NR2F6: variants seen among roughly 807,000 people sequenced by gnomAD.
NR2F6 encodes ERBA-related gene-2.
NR2F6 carries 16 observed loss-of-function variants against 26.5 expected under a neutral mutation model. That is an observed-to-expected ratio of 0.60 (90% confidence interval 0.41 to 0.92). The LOEUF is 0.92. Among genes scored for constraint, NR2F6 ranks in the 40% least tolerant of loss-of-function variants. The pLI, the probability that NR2F6 is intolerant of heterozygous loss-of-function variation, is 0.00. For missense variants in NR2F6, 536 were observed against 631.7 expected (o/e 0.85, Z 1.62); for synonymous variants, 325 against 305.0 (o/e 1.07, Z -0.68).
chr19:17,240,556 AC>A, intron 2 of NR2F6, 114 bp downstream of exon 2: 1 of 1,127,138 alleles, frequency 8.9e-7, no homozygotes. Context: ...AGGCACCCAG[AC>A]CCCTGTGAAA....
At position 17,232,125 on chromosome 19, in the gene NR2F6, A is replaced by G. The variant is rs1290725914; in HGVS notation, c.*227T>C. 1.3e-5 allele frequency: 8 copies of G among 602,702 alleles called. No homozygotes were observed. Among genetic ancestry groups the G allele is most frequent in the Non-Finnish European group, 2.0e-5 (7 of 355,108 alleles). The allele number at this position is 602,702 out of a possible 1,614,324, so 37.3% of individuals were successfully genotyped here. A position where few individuals can be genotyped will look rare whatever the true frequency, so the allele number is the denominator to read the frequency against. On this transcript the variant is annotated 3_prime_UTR_variant, in exon 4 of 4. Transcript: ENST00000291442. ...TAGGATTGGACCCTCCATCCTGGAC[A>G]GGGGTCCTGGGGAGGATGAGGCTGA... is the stretch of plus-strand genomic sequence containing the variant.
At chr19:17,242,638 A>G (rs1394596843) in intron 1 of NR2F6, among the ~76,000 whole-genome samples, 1 of 152,156 alleles carries the variant, frequency 6.6e-6, no homozygotes, top group Non-Finnish European at 1.5e-5. Flanking sequence ...GGGCAGAGGG[A>G]GCTCAGGCAG....
chr19:17,237,502 C>T lies in NR2F6; in HGVS notation c.374-1437G>A, dbSNP rs576268255. On this transcript the variant is annotated intron_variant, in intron 2 of 3. Coordinates refer to ENST00000291442, the MANE Select transcript of NR2F6 (RefSeq NM_005234.4). ...TCTCAGCTCACTGCAGCCTCCGACT[C>T]CGGGGTTCGAGTGATTCTCCTGCCT... Among the ~76,000 whole-genome samples the T allele has an allele frequency of 9.9e-5, 15 of 152,180 alleles. No individual in the cohort carries two copies. The South Asian group carries it at 1.7e-3, about 17-fold the overall frequency.
Position 17,235,699 on chromosome 19 carries a change from G to C in NR2F6, c.740C>G (p.Ala247Gly). ...GTGCAGGGGCAGCGCCGCCTGCGCCGCGTTCAGCACGAAGAGCTCGCTCCA... is the reference window on the plus strand; with the variant it reads ...GTGCAGGGGCAGCGCCGCCTGCGCCCCGTTCAGCACGAAGAGCTCGCTCCA... The part of the protein sequence containing the change: ...LSWSELFVLN[A>G]AQAALPLHTA... Residue 247 changes from alanine to glycine, a missense_variant, in exon 3 of 4, where the codon GCG (alanine) becomes GGG (glycine). Coordinates refer to ENST00000291442, the MANE Select transcript of NR2F6 (RefSeq NM_005234.4). The surrounding 1 kb of genome is among the most constrained non-coding windows in gnomAD (Gnocchi z 5.0). The C allele has an allele frequency of 6.7e-7, 1 of 1,491,612 alleles. No homozygotes were observed. 92.4% of individuals were successfully genotyped at this position (1,491,612 alleles called of 1,614,324 possible). A position where few individuals can be genotyped will look rare whatever the true frequency, so the allele number is the denominator to read the frequency against.
In NR2F6 at chr19:17,245,039, T is replaced by TC; in HGVS notation, c.181dup (p.Asp61GlyfsTer37). ...ACCGTAATGCTTGCCGCTCGACTTG[T>TC]CCCCGCACACCACGCAGTCCACCTG... On this transcript the variant is annotated frameshift_variant, in exon 1 of 4. Coordinates refer to ENST00000291442, the MANE Select transcript of NR2F6 (RefSeq NM_005234.4). LOFTEE classifies it high-confidence loss of function. This position sits in a 1 kb window ranked among gnomAD's most constrained non-coding sequence, Gnocchi z 5.0. The TC allele has an allele frequency of 1.2e-6, 2 of 1,602,882 alleles. No homozygotes were observed. Among genetic ancestry groups the TC allele is most frequent in the Non-Finnish European group, 1.7e-6 (2 of 1,175,396 alleles).
chr19:17,242,490 G>A (rs544961390), intron 1 of NR2F6, among the ~76,000 whole-genome samples: 1 of 152,300 alleles, frequency 6.6e-6, no homozygotes, highest in South Asian at 2.1e-4. Flanking sequence ...ACGGGGGACA[G>A]TGCCAAGACC....
chr19:17,238,574 G>A (rs1427437795), intron 2 of NR2F6, among the ~76,000 whole-genome samples: 1 of 152,146 alleles, frequency 6.6e-6, no homozygotes, highest in Non-Finnish European at 1.5e-5. Context: ...CTTCTGGCGA[G>A]GCTGTTTGCT....
chr19:17,238,843 G>A (rs1239975501), intron 2 of NR2F6, among the ~76,000 whole-genome samples: 2 of 152,158 alleles, frequency 1.3e-5, no homozygotes, highest in Admixed American at 6.5e-5. Flanking sequence ...CAAGGTGGGA[G>A]GGTCGCTTCA....
chr19:17,242,183 T>A (rs535777837), intron 1 of NR2F6, among the ~76,000 whole-genome samples: 1 of 152,098 alleles, frequency 6.6e-6, no homozygotes. Context: ...CCGGGCATGG[T>A]GGCGCATGCC....
chr19:17,237,427 T>A (rs1269236722), intron 2 of NR2F6, among the ~76,000 whole-genome samples: 1 of 150,888 alleles, frequency 6.6e-6, no homozygotes, highest in Non-Finnish European at 1.5e-5. Flanking sequence ...CTCTCTCTCT[T>A]TTTGAGATAG....
intron 2 of NR2F6, among the ~76,000 whole-genome samples, chr19:17,237,478 C>A (rs1388877455): frequency 6.6e-6 from 1 of 151,160 alleles, no homozygotes; most frequent in African/African-American, 2.4e-5. Flanking sequence ...GTGGCACAAT[C>A]TCAGCTCACT....
At chr19:17,237,997 C>T (rs2073448939) in intron 2 of NR2F6, among the ~76,000 whole-genome samples, 1 of 151,986 alleles carries the variant, frequency 6.6e-6, no homozygotes, top group Non-Finnish European at 1.5e-5. Context: ...GAAATTAGCC[C>T]AGCATGGTAG....
intron 2 of NR2F6, 144 bp downstream of exon 2, chr19:17,240,527 C>T (rs145285111): frequency 7.7e-5 from 62 of 809,418 alleles, no homozygotes; most frequent in Middle Eastern, 2.2e-4. Flanking sequence ...GGTTAGCAGG[C>T]GCCGGCCCCC....
rs769359995 is a variant in NR2F6 at position 17,240,670 on chromosome 19, C to G, written c.373+1G>C. 5.6e-6 allele frequency: 9 copies of G among 1,614,064 alleles called. No individual in the cohort carries two copies. The highest frequency in any genetic ancestry group is 7.6e-6 in the Non-Finnish European group (9 of 1,180,004). ...CCAGTGTGTCCCCAGCACGTACTCA[C>G]CCTCCTTCCTCATGCCCACCCGGAA... On this transcript the variant is annotated splice_donor_variant, in intron 2 of 3. Transcript: ENST00000291442. LOFTEE classifies it high-confidence loss of function.
Position 17,244,997 on chromosome 19 carries a change from C to T in NR2F6, c.224G>A (p.Gly75Asp). 6.3e-7 allele frequency: 1 copy of T among 1,588,660 alleles called. No homozygotes were observed. The highest frequency in any genetic ancestry group is 8.6e-7 in the Non-Finnish European group (1 of 1,168,270). The change falls in exon 1 of 4, where the codon GGC (glycine) becomes GAC (aspartate). Residue 75 changes from glycine to aspartate, a missense_variant. By Grantham distance (94) the Gly-to-Asp change is moderately conservative. Transcript: ENST00000291442. ...GKHYGVFTCE[G>D]CKSFFKRSIR... is the part of the protein sequence containing the mutation. ...GCTTCGCTTGAAAAAGCTCTTGCAGCCCTCGCAGGTGAAGACACCGTAATG... is the reference window on the plus strand; with the variant it reads ...GCTTCGCTTGAAAAAGCTCTTGCAGTCCTCGCAGGTGAAGACACCGTAATG...
intron 1 of NR2F6, among the ~76,000 whole-genome samples, chr19:17,243,324 T>C (rs914959714): frequency 6.6e-6 from 1 of 152,190 alleles, no homozygotes; most frequent in Non-Finnish European, 1.5e-5. Context: ...CTGGGGTCTC[T>C]CTGGAGGGGC....
intron 2 of NR2F6, among the ~76,000 whole-genome samples, 159 bp from the exon 3 acceptor site, chr19:17,236,224 C>T (rs914196315): frequency 8.8e-6 from 1 of 113,858 alleles, no homozygotes; most frequent in Admixed American, 1.0e-4. Context: ...GGAAGGGAAG[C>T]GAGGGGTAGA....
At position 17,233,151 on chromosome 19, in the gene NR2F6, TAAATAAA is replaced by T. The variant is rs537010103; in HGVS notation, c.941-532_941-526del. 2.2e-4 allele frequency among the ~76,000 whole-genome samples: 33 copies of T among 151,704 alleles called. No individual in the cohort carries two copies. In the South Asian group the frequency reaches 6.5e-3, roughly 30 times the overall value. On this transcript the variant is annotated intron_variant, in intron 3 of 3. Transcript: ENST00000291442. ...AACAGAGGGAGACCCTGTCTCAAAATAAATAAAAAATAAAAATTAGTCCAGTGTGATG... is the reference window on the plus strand; with the variant it reads ...AACAGAGGGAGACCCTGTCTCAAAATAAATAAAAATTAGTCCAGTGTGATG...
In NR2F6 at chr19:17,245,234, CG is replaced by C. The variant is rs1243956999; in HGVS notation, c.-15del. ...CACCATGGCCATAGCCCCAGGGCAGCGGGGCCGGGGCGCCCCCACCGCGCTC... is the reference window on the plus strand; with the variant it reads ...CACCATGGCCATAGCCCCAGGGCAGCGGGCCGGGGCGCCCCCACCGCGCTC... On this transcript the variant is annotated 5_prime_UTR_variant, in exon 1 of 4. Coordinates refer to ENST00000291442, the MANE Select transcript of NR2F6 (RefSeq NM_005234.4). The surrounding 1 kb of genome is among the most constrained non-coding windows in gnomAD (Gnocchi z 5.0). 1 of 1,250,162 alleles carries C rather than the reference CG, an allele frequency of 8.0e-7. No individual in the cohort carries two copies. Among genetic ancestry groups the C allele is most frequent in the Non-Finnish European group, 1.0e-6 (1 of 1,000,696 alleles). 77.4% of individuals were successfully genotyped at this position (1,250,162 alleles called of 1,614,324 possible). A position where few individuals can be genotyped will look rare whatever the true frequency, so the allele number is the denominator to read the frequency against.
Sources: gnomAD v4.1 joint callset for allele counts (sites outside exome capture counted in the v4.1 genomes callset) on GRCh38, gnomAD v4.1.1 for gene constraint, Gnocchi (gnomAD v3.1) non-coding constraint, MANE v1.5 for transcripts, NCBI Gene and HGNC (gene_info 2026-07-23, HGNC 2026-07-21) for gene names.